The following RBFOX1 variants were observed in gnomAD, a reference collection of about 807,000 sequenced individuals.
RBFOX1 encodes RNA binding protein fox-1 homolog 1.
In RBFOX1, 8 loss-of-function variants were observed where a neutral mutation model predicts 57.7. The ratio of observed to expected loss-of-function variants is 0.14; its 90% confidence interval spans 0.08 to 0.25. The LOEUF (loss-of-function observed/expected upper bound fraction) is 0.25. Ranked by LOEUF, RBFOX1 falls within the 10% of genes least tolerant of loss-of-function variation. The pLI is 1.00. For missense variants in RBFOX1, 611 were observed against 548.5 expected (o/e 1.11, Z -1.14); for synonymous variants, 326 against 222.4 (o/e 1.47, Z -4.15).
At chr16:7,348,207 C>T (rs982864059) in intron 4 of RBFOX1, among the ~76,000 whole-genome samples, 8 of 152,282 alleles carry the variant, frequency 5.3e-5, no homozygotes, top group Middle Eastern at 3.4e-3. Flanking sequence ...CACATAGATA[C>T]ATAAACCACA....
intron 5 of RBFOX1, among the ~76,000 whole-genome samples, chr16:7,520,012 A>G (rs1600724948): frequency 1.3e-5 from 2 of 152,096 alleles, no homozygotes; most frequent in East Asian, 3.9e-4. Flanking sequence ...CAGTCTCCCG[A>G]GTAGCTGGGA....
At chr16:5,278,559 C>T (rs189857851) in intron 1 of RBFOX1, among the ~76,000 whole-genome samples, 89 of 152,212 alleles carry the variant, frequency 5.8e-4, no homozygotes, top group African/African-American at 2.0e-3. Context: ...GGGGTGTTGT[C>T]TTTTCACTGT....
intron 4 of RBFOX1, among the ~76,000 whole-genome samples, chr16:6,013,228 A>T (rs6500738): frequency 6.6e-6 from 1 of 152,202 alleles, no homozygotes; most frequent in Non-Finnish European, 1.5e-5. Context: ...GAATGATAGT[A>T]TGTTTCATAA....
intron 3 of RBFOX1, among the ~76,000 whole-genome samples, chr16:5,820,254 A>G (rs1375853112): frequency 6.6e-6 from 1 of 152,180 alleles, no homozygotes; most frequent in South Asian, 2.1e-4. Flanking sequence ...CTTAACCGCC[A>G]TGCTACATTG....
In RBFOX1 at chr16:7,713,290, A is replaced by G. The variant is rs1327301934; in HGVS notation, c.*2545A>G. On this transcript the variant is annotated 3_prime_UTR_variant, in exon 16 of 16. Transcript: ENST00000550418. ...ATCACTTACAGTGGTTTGTGAATAA[A>G]GAAAACTGGTTTGTAATATCAAAAA... 6.6e-6 allele frequency: 1 copy of G among 152,246 alleles called. No homozygotes were observed. The highest frequency in any genetic ancestry group is 1.5e-5 in the Non-Finnish European group (1 of 68,054). 9.4% of individuals were successfully genotyped at this position (152,246 alleles called of 1,614,324 possible).
chr16:5,415,871 G>T (rs530288687), intron 1 of RBFOX1, among the ~76,000 whole-genome samples: 3 of 152,112 alleles, frequency 2.0e-5, no homozygotes, highest in African/African-American at 7.2e-5. Context: ...TATAAAGGCC[G>T]GTTTCCCAGG....
chr16:5,381,084 T>TA (rs1478219934), intron 1 of RBFOX1, among the ~76,000 whole-genome samples: 1 of 152,086 alleles, frequency 6.6e-6, no homozygotes, highest in Non-Finnish European at 1.5e-5. Context: ...TAGTGTGAAA[T>TA]AGATACGCCA....
intron 1 of RBFOX1, among the ~76,000 whole-genome samples, chr16:6,140,275 T>C (rs538724443): frequency 4.6e-5 from 7 of 151,508 alleles, no homozygotes; most frequent in Non-Finnish European, 1.0e-4. Flanking sequence ...CACTGCAGCC[T>C]CCACCTCCTG....
At chr16:6,978,166 C>T (rs965608981) in intron 3 of RBFOX1, among the ~76,000 whole-genome samples, 1 of 152,042 alleles carries the variant, frequency 6.6e-6, no homozygotes, top group Non-Finnish European at 1.5e-5. Context: ...TGGCATACGG[C>T]AGTGGAGGTA....
chr16:5,551,956 C>G (rs549596730), intron 2 of RBFOX1, among the ~76,000 whole-genome samples: 80 of 152,244 alleles, frequency 5.3e-4, no homozygotes, highest in African/African-American at 1.9e-3. Context: ...CGTGTCCCTG[C>G]AAAGGACATG....
intron 3 of RBFOX1, among the ~76,000 whole-genome samples, chr16:5,717,823 C>G (rs941921018): frequency 3.3e-5 from 5 of 152,210 alleles, no homozygotes; most frequent in African/African-American, 9.7e-5. Flanking sequence ...TCGATCCTCA[C>G]AACCACTATG....
chr16:6,532,793 C>G (rs1164772745), intron 2 of RBFOX1, among the ~76,000 whole-genome samples: 1 of 152,138 alleles, frequency 6.6e-6, no homozygotes, highest in Non-Finnish European at 1.5e-5. Flanking sequence ...GTGTTACCGT[C>G]TCTCTGTGCT....
intron 2 of RBFOX1, among the ~76,000 whole-genome samples, chr16:6,637,043 T>C (rs1255740125): frequency 9.5e-6 from 1 of 105,706 alleles, no homozygotes; most frequent in African/African-American, 3.8e-5. Context: ...GGATAAATTA[T>C]GTATAAACAT....
intron 5 of RBFOX1, among the ~76,000 whole-genome samples, chr16:7,554,453 G>A (rs889882360): frequency 2.0e-5 from 3 of 152,164 alleles, no homozygotes; most frequent in African/African-American, 4.8e-5. Context: ...GTAAAGAGCT[G>A]AACAGAGAAA....
chr16:6,091,589 G>C (rs2096175039), intron 1 of RBFOX1, among the ~76,000 whole-genome samples: 1 of 152,186 alleles, frequency 6.6e-6, no homozygotes, highest in Non-Finnish European at 1.5e-5. Context: ...CAGGACTTTT[G>C]AAGGCTGAGG....
chr16:6,739,232 G>T (rs533508326), intron 3 of RBFOX1, among the ~76,000 whole-genome samples: 43 of 148,192 alleles, frequency 2.9e-4, no homozygotes, highest in African/African-American at 9.8e-4. Context: ...TTCTAGTAGG[G>T]ATGATAGAAA....
chr16:6,195,177 A>G (rs1019931598), intron 1 of RBFOX1, among the ~76,000 whole-genome samples: 6 of 152,206 alleles, frequency 3.9e-5, no homozygotes, highest in African/African-American at 1.4e-4. Flanking sequence ...ATTTTCCTTT[A>G]TAAAATGCCT....
In RBFOX1 at chr16:5,650,181, G is replaced by A. The variant is rs560414622; in HGVS notation, c.318+51220G>A. On this transcript the variant is annotated intron_variant, in intron 3 of 19. Transcript: ENST00000641259. ...ACCCCCAACTCCTGGTGAAATAGTC[G>A]TAAGACGAGGCTCTCAATCTTACCT... Among the ~76,000 whole-genome samples, 285 of 152,306 alleles carry A rather than the reference G, an allele frequency of 1.9e-3. 2 individuals carry two copies. The highest frequency in any genetic ancestry group is 6.0e-3 in the African/African-American group (251 of 41,568).
intron 1 of RBFOX1, among the ~76,000 whole-genome samples, chr16:6,287,724 T>C (rs2077042276): frequency 6.6e-6 from 1 of 152,166 alleles, no homozygotes; most frequent in Non-Finnish European, 1.5e-5. Flanking sequence ...ATGTGATACA[T>C]ATGAAATGGC....
Sources: gnomAD v4.1 joint callset for allele counts (sites outside exome capture counted in the v4.1 genomes callset) on GRCh38, gnomAD v4.1.1 for gene constraint, MANE v1.5 for transcripts, NCBI Gene and HGNC (gene_info 2026-07-23, HGNC 2026-07-21) for gene names.